Variants in BMPER observed in about 807,000 individuals in gnomAD.
BMPER encodes the protein BMP binding endothelial regulator, also known as BMP-binding endothelial regulator protein.
In BMPER, 45 loss-of-function variants were observed where a neutral mutation model predicts 87.3. The observed-to-expected ratio is 0.52, with a 90% confidence interval of 0.41 to 0.66. BMPER has a LOEUF of 0.66. BMPER is among the 30% of genes least tolerant of loss of function. The pLI, the probability that BMPER is intolerant of heterozygous loss-of-function variation, is 0.00. For synonymous variants in BMPER, 326 were observed against 316.2 expected (o/e 1.03, Z -0.33); for missense variants, 784 against 867.5 (o/e 0.90, Z 1.21).
Position 34,155,399 on chromosome 7 carries a change from A to G in BMPER, c.*2126A>G, listed in dbSNP as rs1260578191. The stretch of plus-strand genomic sequence containing the variant: ...ATCCAAGGACTGAGTTATTCTCCCC[A>G]TGAGGCTAACCGGCCTCTTTCCCAA... On this transcript the variant is annotated 3_prime_UTR_variant, in exon 15 of 15. Transcript: ENST00000649409. 6.6e-6 allele frequency: 1 copy of G among 152,196 alleles called. No individual in the cohort carries two copies. The highest frequency in any genetic ancestry group is 1.5e-5 in the Non-Finnish European group (1 of 68,036). 9.4% of individuals were successfully genotyped at this position (152,196 alleles called of 1,614,324 possible).
Position 34,058,083 on chromosome 7 carries a change from A to C in BMPER, c.952A>C (p.Asn318His). The change falls in exon 10 of 15, where the codon AAT (asparagine) becomes CAT (histidine). Residue 318 changes from asparagine (N) to histidine (H), a missense_variant. Asn to His is a moderately conservative substitution (Grantham distance 68). Coordinates refer to ENST00000649409, the MANE Select transcript of BMPER (RefSeq NM_001365308.1). Reference sequence around the variant, plus strand: ...GGATGGAGAGATGTGGTCCTCTATCAATTGTACCATCTGTGCTTGTGTGAA... The same window carrying C: ...GGATGGAGAGATGTGGTCCTCTATCCATTGTACCATCTGTGCTTGTGTGAA... ...FQDGEMWSSI[N>H]CTICACVKGR... 1 of 1,614,100 alleles carries C rather than the reference A, an allele frequency of 6.2e-7. No individual in the cohort carries two copies. The highest frequency in any genetic ancestry group is 8.5e-7 in the Non-Finnish European group (1 of 1,179,990).
chr7:34,032,318 A>G (rs571093665), intron 6 of BMPER, among the ~76,000 whole-genome samples: 1 of 152,084 alleles, frequency 6.6e-6, no homozygotes, highest in African/African-American at 2.4e-5. Context: ...CCTGGTTTGT[A>G]TTGAGTTTAA....
chr7:34,037,482 T>A (rs1037378624), intron 6 of BMPER, among the ~76,000 whole-genome samples: 2 of 152,004 alleles, frequency 1.3e-5, no homozygotes, highest in African/African-American at 4.8e-5. Flanking sequence ...TCTGTAAGAA[T>A]CTTGAAATAT....
At chr7:34,086,645 G>T (rs1316254620) in intron 13 of BMPER, among the ~76,000 whole-genome samples, 1 of 152,224 alleles carries the variant, frequency 6.6e-6, no homozygotes, top group Non-Finnish European at 1.5e-5. Flanking sequence ...TCTAGAGTCA[G>T]ATGACAGTAG....
At chr7:34,045,444 G>A (rs1187936844) in intron 6 of BMPER, among the ~76,000 whole-genome samples, 1 of 152,146 alleles carries the variant, frequency 6.6e-6, no homozygotes, top group African/African-American at 2.4e-5. Flanking sequence ...GCAGGGAAGA[G>A]GGGATGCTGA....
chr7:34,015,165 A>G (rs1786986524), intron 6 of BMPER, among the ~76,000 whole-genome samples: 1 of 152,028 alleles, frequency 6.6e-6, no homozygotes. Context: ...ACTGTTACAC[A>G]GAAGTTAAGA....
At chr7:34,110,681 G>C (rs1789938652) in intron 13 of BMPER, among the ~76,000 whole-genome samples, 3 of 152,290 alleles carry the variant, frequency 2.0e-5, no homozygotes, top group East Asian at 3.9e-4. Flanking sequence ...AGCTGCATCT[G>C]GGAAGGGTTT....
intron 11 of BMPER, among the ~76,000 whole-genome samples, chr7:34,066,420 A>G (rs900480216): frequency 3.3e-5 from 5 of 152,204 alleles, no homozygotes; most frequent in Non-Finnish European, 2.9e-5. Context: ...TCCCTTTCCA[A>G]CTGAAAAGAA....
chr7:33,980,669 C>T (rs1785828015), intron 6 of BMPER, among the ~76,000 whole-genome samples: 1 of 152,080 alleles, frequency 6.6e-6, no homozygotes, highest in African/African-American at 2.4e-5. Context: ...GGAGTATAGC[C>T]CACAGAGTGG....
intron 13 of BMPER, among the ~76,000 whole-genome samples, chr7:34,103,254 T>A (rs1214718893): frequency 6.6e-6 from 1 of 152,150 alleles, no homozygotes; most frequent in Non-Finnish European, 1.5e-5. Context: ...TGTGCCCTTA[T>A]TTTCAGTTAA....
intron 6 of BMPER, among the ~76,000 whole-genome samples, chr7:34,040,424 CAGAGACAATAGCTT>C (rs1787803197): frequency 6.6e-6 from 1 of 152,098 alleles, no homozygotes; most frequent in Non-Finnish European, 1.5e-5. Context: ...GTTTGGAGTC[CAGAGACAATAGCTT>C]AGTGACGACT....
chr7:33,989,931 T>A (rs367977743), intron 6 of BMPER, among the ~76,000 whole-genome samples: 4 of 152,154 alleles, frequency 2.6e-5, no homozygotes, highest in Non-Finnish European at 5.9e-5. Context: ...GTTGTAGATA[T>A]GCGGCGTTAT....
chr7:33,968,268 T>TA (rs777950036), intron 4 of BMPER, among the ~76,000 whole-genome samples: 1 of 152,174 alleles, frequency 6.6e-6, no homozygotes, highest in Non-Finnish European at 1.5e-5. Flanking sequence ...TTTTATTCAA[T>TA]ACGCAGAAAA....
chr7:34,017,283 A>G (rs1787050929), intron 6 of BMPER, among the ~76,000 whole-genome samples: 1 of 151,842 alleles, frequency 6.6e-6, no homozygotes. Flanking sequence ...GCTAATAAAG[A>G]CACACCCGAG....
At chr7:33,926,465 A>G (rs1562634351) in intron 2 of BMPER, among the ~76,000 whole-genome samples, 2 of 152,226 alleles carry the variant, frequency 1.3e-5, no homozygotes, top group African/African-American at 4.8e-5. Context: ...TTCAGCAACA[A>G]GTTTATGTTG....
rs777081542 is a variant in BMPER at position 33,971,218 on chromosome 7, C to G, written c.493+799C>G. Among the ~76,000 whole-genome samples, 3 of 151,848 alleles carry G rather than the reference C, an allele frequency of 2.0e-5. No individual in the cohort carries two copies. The East Asian group carries it at 5.8e-4, about 30-fold the overall frequency. On this transcript the variant is annotated intron_variant, in intron 5 of 14. Transcript: ENST00000649409. ...CCAAAGGGCCTTCTGTTCTTGGAAA[C>G]TTCCTGTGAAGTGGCTAAGTCACCA...
At chr7:33,955,545 GT>G (rs1562651546) in intron 3 of BMPER, among the ~76,000 whole-genome samples, 1 of 152,138 alleles carries the variant, frequency 6.6e-6, no homozygotes, top group East Asian at 1.9e-4. Flanking sequence ...TGGACTACTC[GT>G]GGAAAAACGC....
chr7:34,038,955 C>T (rs1235320985), intron 6 of BMPER, among the ~76,000 whole-genome samples: 2 of 152,186 alleles, frequency 1.3e-5, no homozygotes, highest in Non-Finnish European at 2.9e-5. Flanking sequence ...AGCACAGACT[C>T]CTTGGAGAAG....
chr7:34,086,035 T>A lies in BMPER; in HGVS notation c.1688T>A (p.Leu563His). Residue 563 changes from leucine to histidine, a missense_variant, in exon 13 of 15, where the codon CTC becomes CAC. Physicochemically the swap from Leu to His is moderately conservative, Grantham distance 99. Coordinates refer to ENST00000649409, the MANE Select transcript of BMPER (RefSeq NM_001365308.1). ...CGGGCCCATCGAGAATGCCAAAAGC[T>A]CAAATCCTGGGAGTTTCAGACCTGC... ...KLRAHRECQK[L>H]KSWEFQTCHS... 6.2e-7 allele frequency: 1 copy of A among 1,613,710 alleles called. No homozygotes were observed. The highest frequency in any genetic ancestry group is 8.5e-7 in the Non-Finnish European group (1 of 1,179,954).
Sources: allele counts gnomAD v4.1 joint callset (sites outside exome capture counted in the v4.1 genomes callset), GRCh38; gene constraint gnomAD v4.1.1; transcripts MANE v1.5; gene names NCBI Gene and HGNC (gene_info 2026-07-23, HGNC 2026-07-21).